The following IQCM variants were observed in gnomAD, a reference collection of about 807,000 sequenced individuals.
IQCM encodes the protein IQ domain-containing protein M.
Under a neutral mutation model 57.6 loss-of-function variants are expected in IQCM, and 45 were observed. That is an observed-to-expected ratio of 0.78 (90% CI 0.62 to 1.00). The LOEUF (loss-of-function observed/expected upper bound fraction) is 1.00. IQCM is among the 50% of genes least tolerant of loss of function. IQCM has a pLI of 0.00. For synonymous variants in IQCM, 148 were observed against 158.9 expected, an observed-to-expected ratio of 0.93 and a Z score of 0.51; for missense variants, 468 against 511.6, an observed-to-expected ratio of 0.91 and a Z score of 0.82.
At chr4:149,799,171 T>G (rs2150045272) in intron 2 of IQCM, among the ~76,000 whole-genome samples, 2 of 151,246 alleles carry the variant, frequency 1.3e-5, no homozygotes, top group African/African-American at 4.8e-5. Context: ...GGAAAAAAAC[T>G]AGAAATCAAT....
At chr4:149,624,644 C>A (rs1041649292) in intron 7 of IQCM, among the ~76,000 whole-genome samples, 4 of 152,126 alleles carry the variant, frequency 2.6e-5, no homozygotes, top group African/African-American at 9.7e-5. Context: ...ACAATCCCCA[C>A]ATCTATAATT....
At chr4:149,377,224 T>A (rs1446734225) in intron 13 of IQCM, among the ~76,000 whole-genome samples, 2 of 152,128 alleles carry the variant, frequency 1.3e-5, no homozygotes, top group African/African-American at 2.4e-5. Context: ...TGAAAAAAAA[T>A]TAAATTTTAT....
chr4:149,605,498 T>C (rs1754694671), intron 8 of IQCM, among the ~76,000 whole-genome samples: 1 of 152,158 alleles, frequency 6.6e-6, no homozygotes, highest in Non-Finnish European at 1.5e-5. Flanking sequence ...TCTTGATCTA[T>C]TTACTGCTAA....
intron 13 of IQCM, among the ~76,000 whole-genome samples, chr4:149,381,597 A>G (rs1731079855): frequency 6.6e-6 from 1 of 152,014 alleles, no homozygotes; most frequent in African/African-American, 2.4e-5. Context: ...TAGCTCCATT[A>G]CTAACCTTCA....
intron 2 of IQCM, among the ~76,000 whole-genome samples, chr4:149,794,864 A>G (rs935479697): frequency 2.0e-5 from 3 of 152,144 alleles, no homozygotes; most frequent in African/African-American, 7.2e-5. Flanking sequence ...TTAAAACTTT[A>G]AGACCTACAA....
chr4:149,550,206 G>A (rs1378584756), intron 11 of IQCM, among the ~76,000 whole-genome samples: 1 of 152,144 alleles, frequency 6.6e-6, no homozygotes, highest in African/African-American at 2.4e-5. Flanking sequence ...AAGGCAAGTT[G>A]TTTACACTGT....
intron 12 of IQCM, among the ~76,000 whole-genome samples, chr4:149,506,156 G>A (rs1257491238): frequency 6.6e-6 from 1 of 152,190 alleles, no homozygotes; most frequent in Non-Finnish European, 1.5e-5. Context: ...CCAAGAGCAG[G>A]AGTGGAGAAC....
intron 2 of IQCM, chr4:149,789,967 A>G (rs560276923): frequency 1.7e-4 from 50 of 285,956 alleles, no homozygotes; most frequent in African/African-American, 1.1e-3. Flanking sequence ...GAAAAAGAAA[A>G]GAAAGGCAGA....
intron 6 of IQCM, among the ~76,000 whole-genome samples, chr4:149,686,168 C>T (rs1306532079): frequency 1.3e-5 from 2 of 151,368 alleles, no homozygotes; most frequent in Non-Finnish European, 3.0e-5. Flanking sequence ...TACTTAACTA[C>T]TCAGACATCC....
chr4:149,685,416 A>G (rs190745434), intron 6 of IQCM, among the ~76,000 whole-genome samples: 6 of 151,630 alleles, frequency 4.0e-5, no homozygotes, highest in Admixed American at 3.3e-4. Context: ...TTTGTAATTA[A>G]TATCTTCCCT....
chr4:149,687,052 G>A (rs1762591274), intron 5 of IQCM, among the ~76,000 whole-genome samples: 2 of 151,546 alleles, frequency 1.3e-5, no homozygotes, highest in South Asian at 4.2e-4. Context: ...CAGATAATGG[G>A]ACCAATATAT....
At position 149,621,193 on chromosome 4, in the gene IQCM, A is replaced by C; in HGVS notation, c.617T>G (p.Leu206Trp). The change falls in exon 8 of 14, where the codon TTG becomes TGG. Residue 206 changes from leucine to tryptophan, a missense_variant. Coordinates refer to ENST00000636793, the MANE Select transcript of IQCM (RefSeq NM_001363507.2). ...ACTAACTCGACGGGAGTCACAAGCC[A>C]AACGGAAAGACCTTGTCAGCACAAA... The part of the protein sequence containing the change: ...RGFVLTRSFR[L>W]ACDSRRVSFS... 8.1e-7 allele frequency: 1 copy of C among 1,232,036 alleles called. No homozygotes were observed. Among genetic ancestry groups the C allele is most frequent in the Non-Finnish European group, 1.0e-6 (1 of 987,848 alleles). 76.3% of individuals were successfully genotyped at this position (1,232,036 alleles called of 1,614,324 possible). A position where few individuals can be genotyped will look rare whatever the true frequency, so the allele number is the denominator to read the frequency against.
At chr4:149,358,845 A>AGTATATCATGATATACTCTCATGG (rs1729221750) in intron 13 of IQCM, among the ~76,000 whole-genome samples, 2 of 151,338 alleles carry the variant, frequency 1.3e-5, no homozygotes, top group Admixed American at 6.6e-5. Flanking sequence ...CACAGTGGAC[A>AGTATATCATGATATACTCTCATGG]GTATATCATG....
intron 12 of IQCM, among the ~76,000 whole-genome samples, chr4:149,516,962 G>C (rs980473397): frequency 5.3e-5 from 8 of 152,018 alleles, no homozygotes; most frequent in Non-Finnish European, 1.0e-4. Flanking sequence ...AGGTAAGTAA[G>C]AGTATGCATG....
intron 13 of IQCM, among the ~76,000 whole-genome samples, chr4:149,370,463 T>A (rs1730284401): frequency 6.6e-6 from 1 of 152,100 alleles, no homozygotes. Flanking sequence ...TCCTCTTTTT[T>A]GTCCTCCTCC....
At chr4:149,467,137 G>C (rs1476851170) in intron 12 of IQCM, among the ~76,000 whole-genome samples, 1 of 152,128 alleles carries the variant, frequency 6.6e-6, no homozygotes, top group Non-Finnish European at 1.5e-5. Flanking sequence ...AGGCAATAGT[G>C]TGCTATCACT....
At chr4:149,546,461 C>G (rs1748445579) in intron 12 of IQCM, among the ~76,000 whole-genome samples, 1 of 152,196 alleles carries the variant, frequency 6.6e-6, no homozygotes, top group South Asian at 2.1e-4. Context: ...TACTATTTCT[C>G]CACATCCTCT....
intron 6 of IQCM, among the ~76,000 whole-genome samples, chr4:149,684,849 T>A (rs1288352279): frequency 1.3e-5 from 2 of 151,356 alleles, no homozygotes; most frequent in Admixed American, 6.6e-5. Context: ...GTTACCACCA[T>A]CAACTAGCTA....
chr4:149,354,363 C>CAAAAAAAAAAAAAAAAA (rs70965178), intron 13 of IQCM, among the ~76,000 whole-genome samples: 18 of 20,198 alleles, frequency 8.9e-4, no homozygotes, highest in Non-Finnish European at 1.3e-3. Flanking sequence ...GACTCCGTCT[C>CAAAAAAAAAAAAAAAAA]AAAAAAAAAA....
Sources: allele counts gnomAD v4.1 joint callset (sites outside exome capture counted in the v4.1 genomes callset), GRCh38; gene constraint gnomAD v4.1.1; transcripts MANE v1.5; gene names NCBI Gene and HGNC (gene_info 2026-07-23, HGNC 2026-07-21).